The following JMY variants were observed in gnomAD, a reference collection of about 807,000 sequenced individuals.
JMY encodes the protein junction mediating and regulatory protein, p53 cofactor, also known as junction-mediating and -regulatory protein.
Under a neutral mutation model 103.3 loss-of-function variants are expected in JMY, and 46 were observed. The observed-to-expected ratio is 0.45, with a 90% CI of 0.35 to 0.57. JMY has a LOEUF of 0.57. Ranked by LOEUF, JMY falls within the 20% of genes least tolerant of loss-of-function variation. The probability of loss-of-function intolerance (pLI) is 0.00; values close to 1 mark genes in which losing one functional copy is unlikely to be tolerated. For synonymous variants in JMY, 526 were observed against 489.3 expected (o/e 1.07, Z -0.99); for missense variants, 1,238 against 1,255.2 (o/e 0.99, Z 0.21).
At chr5:79,272,447 G>A (rs1033739067) in intron 1 of JMY, among the ~76,000 whole-genome samples, 1 of 150,052 alleles carries the variant, frequency 6.7e-6, no homozygotes, top group Non-Finnish European at 1.5e-5. Flanking sequence ...TCTTTTTTTT[G>A]ACATAGAGGT....
At chr5:79,292,462 C>G (rs779863842) in intron 4 of JMY, among the ~76,000 whole-genome samples, 5 of 151,984 alleles carry the variant, frequency 3.3e-5, no homozygotes, top group Non-Finnish European at 7.4e-5. Flanking sequence ...CGCACCCCCC[C>G]CAACACCTTG....
intron 1 of JMY, among the ~76,000 whole-genome samples, chr5:79,263,227 G>A (rs7737073): frequency 0.021 from 3,157 of 152,232 alleles, 131 homozygotes; most frequent in African/African-American, 0.071. Context: ...TTCTTTGTAT[G>A]TACATATTCT....
rs944788402 is a variant in JMY, at chr5:79,268,211, C to G, written c.1033-9699C>G. 8.1e-4 allele frequency among the ~76,000 whole-genome samples: 123 copies of G among 152,264 alleles called. 1 individual carries two copies. The highest frequency in any genetic ancestry group is 2.9e-3 in the African/African-American group (121 of 41,558). On this transcript the variant is annotated intron_variant, in intron 1 of 10. Coordinates refer to ENST00000396137, the MANE Select transcript of JMY (RefSeq NM_152405.5). The stretch of plus-strand genomic sequence containing the variant: ...GGAGTTACGAATGTGCCACTGCACT[C>G]CAGCCTGGGCAAGAGTGAGATCCTG...
intron 1 of JMY, among the ~76,000 whole-genome samples, chr5:79,245,601 G>T (rs1254882592): frequency 1.3e-5 from 2 of 152,020 alleles, no homozygotes; most frequent in Admixed American, 6.6e-5. Context: ...GGCACAGTGT[G>T]GCAAGGGTTG....
At chr5:79,268,214 G>A (rs1374197630) in intron 1 of JMY, among the ~76,000 whole-genome samples, 1 of 152,144 alleles carries the variant, frequency 6.6e-6, no homozygotes, top group East Asian at 1.9e-4. Flanking sequence ...CTGCACTCCA[G>A]CCTGGGCAAG....
intron 1 of JMY, among the ~76,000 whole-genome samples, chr5:79,246,468 G>A (rs1744906067): frequency 6.6e-6 from 1 of 152,292 alleles, no homozygotes; most frequent in East Asian, 1.9e-4. Context: ...GGATGCAAGT[G>A]AGTTTGAGAC....
chr5:79,277,245 A>C (rs937069475), intron 1 of JMY, among the ~76,000 whole-genome samples: 3 of 152,152 alleles, frequency 2.0e-5, no homozygotes, highest in Non-Finnish European at 2.9e-5. Context: ...AGTGCCTGAC[A>C]TGATTTTGAA....
intron 1 of JMY, among the ~76,000 whole-genome samples, chr5:79,269,435 G>C (rs1431429477): frequency 6.6e-6 from 1 of 152,120 alleles, no homozygotes; most frequent in East Asian, 1.9e-4. Context: ...TTTCACCTCT[G>C]TATAAACTTT....
intron 6 of JMY, among the ~76,000 whole-genome samples, chr5:79,301,940 A>G (rs553739604): frequency 6.6e-5 from 10 of 151,926 alleles, no homozygotes; most frequent in Non-Finnish European, 1.3e-4. Context: ...AAAATTAGCC[A>G]GGCATGGTGG....
In JMY at chr5:79,326,560, T is replaced by C. The variant is rs1486187942; in HGVS notation, c.*4958T>C. 2 of 152,210 alleles carry C rather than the reference T, an allele frequency of 1.3e-5. No individual in the cohort carries two copies. Among genetic ancestry groups the C allele is most frequent in the East Asian group, 3.8e-4 (2 of 5,206 alleles). The allele number at this position is 152,210 out of a possible 1,614,324, so 9.4% of individuals were successfully genotyped here. A position where few individuals can be genotyped will look rare whatever the true frequency, so the allele number is the denominator to read the frequency against. ...TTTGACAGAATCTCCATTGTTTCAT[T>C]GAATTTCTCATTGTATTATATGTCT... is the stretch of plus-strand genomic sequence containing the variant. On this transcript the variant is annotated 3_prime_UTR_variant, in exon 11 of 11. Transcript: ENST00000396137.
chr5:79,265,649 C>G (rs1478616463), intron 1 of JMY, among the ~76,000 whole-genome samples: 3 of 152,172 alleles, frequency 2.0e-5, no homozygotes, highest in Non-Finnish European at 4.4e-5. Flanking sequence ...GATGGGCTTA[C>G]TGCTTATTAG....
At chr5:79,299,921 C>G (rs2112106552) in intron 4 of JMY, among the ~76,000 whole-genome samples, 1 of 151,938 alleles carries the variant, frequency 6.6e-6, no homozygotes, top group South Asian at 2.1e-4. Context: ...AACATTAAAA[C>G]CTTATTTTTA....
chr5:79,302,359 T>C (rs1746761517), intron 6 of JMY, among the ~76,000 whole-genome samples: 1 of 152,146 alleles, frequency 6.6e-6, no homozygotes, highest in South Asian at 2.1e-4. Context: ...AGACTTAGGA[T>C]ACAAAGATGA....
At chr5:79,268,647 C>T (rs1745655310) in intron 1 of JMY, among the ~76,000 whole-genome samples, 1 of 151,954 alleles carries the variant, frequency 6.6e-6, no homozygotes, top group African/African-American at 2.4e-5. Flanking sequence ...ACCACCATGC[C>T]CGGCTAATTT....
At chr5:79,264,413 G>A (rs1745519006) in intron 1 of JMY, among the ~76,000 whole-genome samples, 3 of 149,238 alleles carry the variant, frequency 2.0e-5, no homozygotes, top group Admixed American at 6.7e-5. Flanking sequence ...TTTTTTTGTA[G>A]AGACATGGTC....
chr5:79,326,183 T>A lies in JMY; in HGVS notation c.*4581T>A, dbSNP rs1384045469. On this transcript the variant is annotated 3_prime_UTR_variant, in exon 11 of 11. Transcript: ENST00000396137. ...TTGCGGGTTAGGGGAAAGTTTTGTT[T>A]TTTGCTGGTGTTTTTTGTTGTTTTT... The A allele has an allele frequency of 2.6e-5, 4 of 152,122 alleles. No homozygotes were observed. The highest frequency in any genetic ancestry group is 6.6e-5 in the Admixed American group (1 of 15,266). 9.4% of individuals were successfully genotyped at this position (152,122 alleles called of 1,614,324 possible). A position where few individuals can be genotyped will look rare whatever the true frequency, so the allele number is the denominator to read the frequency against.
chr5:79,312,806 A>C (rs529258915), intron 8 of JMY, among the ~76,000 whole-genome samples: 18 of 152,186 alleles, frequency 1.2e-4, no homozygotes, highest in African/African-American at 4.1e-4. Flanking sequence ...ACAACTGACT[A>C]TCCAGCTCAA....
intron 1 of JMY, among the ~76,000 whole-genome samples, chr5:79,270,211 C>G (rs934323909): frequency 6.6e-6 from 1 of 150,776 alleles, no homozygotes; most frequent in African/African-American, 2.4e-5. Context: ...AAGGGGACAT[C>G]CTTGCTTTTT....
chr5:79,251,459 G>A (rs1302197681), intron 1 of JMY, among the ~76,000 whole-genome samples: 1 of 152,066 alleles, frequency 6.6e-6, no homozygotes, highest in African/African-American at 2.4e-5. Flanking sequence ...TACATAAGAT[G>A]TTTTGATACA....
Sources: gnomAD v4.1 joint callset for allele counts (sites outside exome capture counted in the v4.1 genomes callset) on GRCh38, gnomAD v4.1.1 for gene constraint, MANE v1.5 for transcripts, NCBI Gene and HGNC (gene_info 2026-07-23, HGNC 2026-07-21) for gene names.